The following EXOC6 variants were observed in gnomAD, a reference collection of about 807,000 sequenced individuals.
EXOC6 encodes exocyst complex component 6.
In EXOC6, 60 loss-of-function variants were observed where a neutral mutation model predicts 112.5. The observed-to-expected ratio is 0.53, with a 90% CI of 0.43 to 0.66. The LOEUF (loss-of-function observed/expected upper bound fraction) is 0.66. Among genes scored for constraint, EXOC6 ranks in the 30% least tolerant of loss-of-function variants. EXOC6 has a pLI of 0.00. For missense variants in EXOC6, 855 were observed against 957.1 expected, an observed-to-expected ratio of 0.89 and a Z score of 1.41; for synonymous variants, 295 against 308.0, an observed-to-expected ratio of 0.96 and a Z score of 0.44.
intron 20 of EXOC6, among the ~76,000 whole-genome samples, chr10:93,018,341 A>G (rs1844635458): frequency 6.6e-6 from 1 of 152,216 alleles, no homozygotes; most frequent in South Asian, 2.1e-4. Flanking sequence ...ATAAAATATT[A>G]TAGGTAAAAT....
chr10:93,032,789 A>G (rs548727433), intron 20 of EXOC6, among the ~76,000 whole-genome samples: 1 of 152,188 alleles, frequency 6.6e-6, no homozygotes, highest in Non-Finnish European at 1.5e-5. Context: ...TTTAGATGGT[A>G]TGAGAAAAAT....
In EXOC6 at chr10:92,948,364, T is replaced by A. The variant is rs764194537; in HGVS notation, c.1401T>A (p.Asp467Glu). 3 of 1,592,114 alleles carry A rather than the reference T, an allele frequency of 1.9e-6. No homozygotes were observed. The South Asian group carries it at 3.4e-5, about 18-fold the overall frequency. Residue 467 changes from aspartate to glutamate, a missense_variant, in exon 14 of 22, where the codon GAT (aspartate) becomes GAA (glutamate). Physicochemically the swap from Asp to Glu is conservative, Grantham distance 45. This residue lies in a region of EXOC6 where 450 missense variants were observed against 563.5 expected (regional missense o/e 0.80). Coordinates refer to ENST00000260762, the MANE Select transcript of EXOC6 (RefSeq NM_019053.6). ...KIVISKFPFQ[D>E]PDLEKQSFPK... ...TCATCAGCAAATTTCCCTTTCAAGA[T>A]CCAGACCTTGAAAAGGTACAAGCTA...
intron 5 of EXOC6, among the ~76,000 whole-genome samples, chr10:92,902,393 A>C (rs1850225661): frequency 6.6e-6 from 1 of 151,796 alleles, no homozygotes; most frequent in African/African-American, 2.4e-5. Context: ...CTTCTTTGAC[A>C]TTTTAAAATC....
At chr10:92,893,252 T>A in intron 1 of EXOC6, 97 bp from the exon 2 acceptor site, 1 of 821,154 alleles carries the variant, frequency 1.2e-6, no homozygotes, top group Non-Finnish European at 1.8e-6. Context: ...CCAGTTTATT[T>A]GTTCAGAGAT....
chr10:93,057,582 T>C (rs889504713), intron 21 of EXOC6, among the ~76,000 whole-genome samples: 1 of 152,204 alleles, frequency 6.6e-6, no homozygotes, highest in African/African-American at 2.4e-5. Flanking sequence ...TGACAGACTT[T>C]TTCTTTACTC....
At chr10:92,859,606 A>G (rs2133671872) in intron 1 of EXOC6, among the ~76,000 whole-genome samples, 1 of 152,326 alleles carries the variant, frequency 6.6e-6, no homozygotes, top group East Asian at 1.9e-4. Context: ...CCATAGGAGT[A>G]AGGAAAATAG....
chr10:92,848,774 C>A, intron 1 of EXOC6, 140 bp downstream of exon 1: 3 of 574,374 alleles, frequency 5.2e-6, no homozygotes, highest in Non-Finnish European at 7.0e-6. Context: ...GGGGCGCTCG[C>A]GGGTGGCGGA....
chr10:92,974,597 C>CGGTCTCCCTCTCCCTCTCCCCACG, intron 18 of EXOC6, among the ~76,000 whole-genome samples: 2 of 150,108 alleles, frequency 1.3e-5, no homozygotes, highest in South Asian at 4.2e-4. Flanking sequence ...TCTCTTTCCA[C>CGGTCTCCCTCTCCCTCTCCCCACG]GTCTCCCTCT....
Position 92,865,257 on chromosome 10 carries a change from G to A in EXOC6, c.101+16623G>A, listed in dbSNP as rs117162200. Among the ~76,000 whole-genome samples, 871 of 152,144 alleles carry A rather than the reference G, an allele frequency of 5.7e-3. 4 individuals carry two copies. Among genetic ancestry groups the A allele is most frequent in the Non-Finnish European group, 8.7e-3 (591 of 68,010 alleles). On this transcript the variant is annotated intron_variant, in intron 1 of 21. Coordinates refer to ENST00000260762, the MANE Select transcript of EXOC6 (RefSeq NM_019053.6). ...CAGTCAAAAATATGAGTATCAGCTGGGCACGGTGGCTCACGCCTGTAATTC... is the reference window on the plus strand; with the variant it reads ...CAGTCAAAAATATGAGTATCAGCTGAGCACGGTGGCTCACGCCTGTAATTC...
chr10:92,867,710 C>G (rs1848245204), intron 1 of EXOC6, among the ~76,000 whole-genome samples: 1 of 152,100 alleles, frequency 6.6e-6, no homozygotes, highest in Admixed American at 6.6e-5. Flanking sequence ...TATGATGTTA[C>G]AACTGTTTCA....
chr10:92,917,705 A>AT (rs1851183379), intron 7 of EXOC6, among the ~76,000 whole-genome samples: 2 of 151,364 alleles, frequency 1.3e-5, no homozygotes, highest in Admixed American at 6.6e-5. Flanking sequence ...AAAAAAAAAA[A>AT]ATTTCTTATA....
chr10:92,996,372 T>C (rs1843483495), intron 18 of EXOC6, among the ~76,000 whole-genome samples: 1 of 152,118 alleles, frequency 6.6e-6, no homozygotes, highest in Admixed American at 6.5e-5. Context: ...AAAAATAATT[T>C]ATCTTTGGGA....
In EXOC6 at chr10:92,928,343, A is replaced by C; in HGVS notation, c.893A>C (p.Asp298Ala). The change falls in exon 9 of 22, where the codon GAC (aspartate) becomes GCC (alanine). Residue 298 changes from aspartate (D) to alanine (A), a missense_variant. Asp to Ala is a moderately radical substitution (Grantham distance 126). This residue lies in a region of EXOC6 where 405 missense variants were observed against 393.6 expected (regional missense o/e 1.03). Coordinates refer to ENST00000260762, the MANE Select transcript of EXOC6 (RefSeq NM_019053.6). ...RCLHIYSVLG[D>A]EETFENYYRK... ...ACTCTGCTGATTTTATTTTAGGGTG[A>C]CGAGGAAACATTTGAAAACTATTAT... 1.2e-6 allele frequency: 2 copies of C among 1,601,372 alleles called. No homozygotes were observed. The highest frequency in any genetic ancestry group is 1.7e-6 in the Non-Finnish European group (2 of 1,170,638).
At chr10:92,948,759 G>A (rs1853211735) in intron 14 of EXOC6, among the ~76,000 whole-genome samples, 1 of 152,110 alleles carries the variant, frequency 6.6e-6, no homozygotes. Flanking sequence ...AGTAATAAGA[G>A]TATATCCTAG....
intron 19 of EXOC6, among the ~76,000 whole-genome samples, chr10:93,008,105 G>A (rs1457685814): frequency 6.6e-6 from 1 of 152,084 alleles, no homozygotes; most frequent in Non-Finnish European, 1.5e-5. Flanking sequence ...AACCTGGGAG[G>A]TAGGGGTTGC....
chr10:92,985,647 T>C (rs1323946912), intron 18 of EXOC6, among the ~76,000 whole-genome samples: 1 of 152,208 alleles, frequency 6.6e-6, no homozygotes, highest in Non-Finnish European at 1.5e-5. Flanking sequence ...AGCATCATTC[T>C]TTCAGACAAA....
chr10:92,934,079 T>C, intron 9 of EXOC6, 65 bp from the exon 10 acceptor site: 1 of 1,004,492 alleles, frequency 1.0e-6, no homozygotes, highest in Non-Finnish European at 1.5e-6. Context: ...TTGTAGTGAC[T>C]TGGAACTTAC....
intron 20 of EXOC6, among the ~76,000 whole-genome samples, chr10:93,041,193 C>T (rs1263252783): frequency 2.0e-5 from 3 of 151,984 alleles, no homozygotes; most frequent in Non-Finnish European, 4.4e-5. Context: ...AAGTATTTCT[C>T]AAACCCATCC....
At chr10:92,967,140 G>GT in intron 17 of EXOC6, among the ~76,000 whole-genome samples, 2 of 151,404 alleles carry the variant, frequency 1.3e-5, no homozygotes, top group Admixed American at 1.3e-4. Context: ...GGGGTTGTTT[G>GT]TTTTTTTCTT....
Sources: gnomAD v4.1 joint callset for allele counts (sites outside exome capture counted in the v4.1 genomes callset) on GRCh38, gnomAD v4.1.1 for gene constraint, gnomAD v4.1.1 regional missense constraint, MANE v1.5 for transcripts, NCBI Gene and HGNC (gene_info 2026-07-23, HGNC 2026-07-21) for gene names.